Variants in FGGY observed in about 807,000 individuals in gnomAD.
FGGY encodes FGGY carbohydrate kinase domain-containing protein.
A neutral mutation model predicts 71.3 loss-of-function variants in FGGY; 72 were observed. The ratio of observed to expected loss-of-function variants is 1.01; its 90% CI spans 0.84 to 1.23. FGGY has a LOEUF of 1.23. Ranked by LOEUF, FGGY falls within the 50% of genes most tolerant of loss-of-function variation. The pLI, the probability that FGGY is intolerant of heterozygous loss-of-function variation, is 0.00. For missense variants in FGGY, 668 were observed against 682.3 expected (o/e 0.98, Z 0.23); for synonymous variants, 251 against 250.3 (o/e 1.00, Z -0.02).
chr1:59,515,799 AGTCAAATTAAACATCCTATTCTT>A (rs2094631767), intron 7 of FGGY, among the ~76,000 whole-genome samples: 1 of 152,202 alleles, frequency 6.6e-6, no homozygotes, highest in South Asian at 2.1e-4. Context: ...TGGAACTGTA[AGTCAAATTAAACATCCTATTCTT>A]CCCAGTCTCA....
intron 1 of FGGY, among the ~76,000 whole-genome samples, chr1:59,307,711 G>C (rs2153088135): frequency 6.6e-6 from 1 of 152,298 alleles, no homozygotes; most frequent in East Asian, 1.9e-4. Flanking sequence ...TTCATGTGAA[G>C]CTACATATTG....
chr1:59,416,569 C>A (rs573905904), intron 5 of FGGY, among the ~76,000 whole-genome samples: 1 of 152,252 alleles, frequency 6.6e-6, no homozygotes, highest in South Asian at 2.1e-4. Flanking sequence ...ACTCTCACAC[C>A]CCTAAATTAC....
intron 6 of FGGY, among the ~76,000 whole-genome samples, chr1:59,460,816 T>G (rs558293952): frequency 6.6e-6 from 1 of 152,260 alleles, no homozygotes; most frequent in African/African-American, 2.4e-5. Context: ...AAATTCCACT[T>G]TATGAAAATT....
chr1:59,529,745 T>C (rs2095089631), intron 7 of FGGY, among the ~76,000 whole-genome samples: 1 of 152,200 alleles, frequency 6.6e-6, no homozygotes, highest in African/African-American at 2.4e-5. Context: ...CAGAGATTCA[T>C]TTTAAGCATG....
intron 9 of FGGY, among the ~76,000 whole-genome samples, chr1:59,616,457 A>G (rs995623473): frequency 6.6e-6 from 1 of 152,096 alleles, no homozygotes; most frequent in African/African-American, 2.4e-5. Flanking sequence ...CAGGAATGGG[A>G]ACATCATACA....
intron 15 of FGGY, among the ~76,000 whole-genome samples, chr1:59,759,436 C>T (rs2098323668): frequency 6.6e-6 from 1 of 152,194 alleles, no homozygotes; most frequent in Non-Finnish European, 1.5e-5. Flanking sequence ...TCCCTGGAGG[C>T]AGCTGGAGCA....
At chr1:59,376,751 A>G (rs2058703755) in intron 4 of FGGY, among the ~76,000 whole-genome samples, 1 of 152,202 alleles carries the variant, frequency 6.6e-6, no homozygotes. Context: ...TTAGGTTCCC[A>G]GAGATACTCC....
At chr1:59,304,889 C>T (rs919595517) in intron 1 of FGGY, among the ~76,000 whole-genome samples, 3 of 151,930 alleles carry the variant, frequency 2.0e-5, no homozygotes, top group Non-Finnish European at 2.9e-5. Flanking sequence ...AGAAATGCGG[C>T]TGCTTTTTGT....
intron 4 of FGGY, among the ~76,000 whole-genome samples, chr1:59,377,862 G>GC (rs1357895590): frequency 6.6e-6 from 1 of 152,156 alleles, no homozygotes; most frequent in African/African-American, 2.4e-5. Context: ...GTAAGAAAAA[G>GC]CCTGGCCATT....
chr1:59,453,545 G>T (rs1231541208), intron 5 of FGGY, among the ~76,000 whole-genome samples: 5 of 152,106 alleles, frequency 3.3e-5, no homozygotes, highest in Admixed American at 6.5e-5. Context: ...TCACTCACTG[G>T]AGTCTTGGCT....
chr1:59,602,349 A>G (rs1372319420), intron 8 of FGGY, among the ~76,000 whole-genome samples: 1 of 152,218 alleles, frequency 6.6e-6, no homozygotes, highest in Non-Finnish European at 1.5e-5. Flanking sequence ...ATATATGTGA[A>G]GAACCTAGAA....
chr1:59,362,527 A>G (rs1323857771), intron 4 of FGGY, among the ~76,000 whole-genome samples: 1 of 152,174 alleles, frequency 6.6e-6, no homozygotes, highest in African/African-American at 2.4e-5. Context: ...TGAGCTTCTC[A>G]TAGTTCCTTC....
At chr1:59,717,245 G>T (rs1478472975) in intron 14 of FGGY, among the ~76,000 whole-genome samples, 5 of 152,030 alleles carry the variant, frequency 3.3e-5, no homozygotes, top group African/African-American at 7.2e-5. Flanking sequence ...TTGTCGTTGA[G>T]ATTTTATAGG....
At chr1:59,456,637 G>A (rs533510167) in intron 5 of FGGY, among the ~76,000 whole-genome samples, 6 of 152,102 alleles carry the variant, frequency 3.9e-5, no homozygotes, top group African/African-American at 4.8e-5. Context: ...TAGTAGAGAC[G>A]GGGTTTGACC....
intron 5 of FGGY, among the ~76,000 whole-genome samples, chr1:59,446,865 C>T (rs79231824): frequency 3.9e-5 from 6 of 152,228 alleles, no homozygotes; most frequent in Admixed American, 6.5e-5. Flanking sequence ...CAGTGAGCTG[C>T]GTATAAATAA....
At chr1:59,586,518 G>A (rs1475657407) in intron 8 of FGGY, among the ~76,000 whole-genome samples, 1 of 152,098 alleles carries the variant, frequency 6.6e-6, no homozygotes, top group Non-Finnish European at 1.5e-5. Context: ...GGGGTCGGGG[G>A]AGTGGGGAGG....
At chr1:59,509,732 A>T (rs773582790) in intron 6 of FGGY, among the ~76,000 whole-genome samples, 2 of 151,734 alleles carry the variant, frequency 1.3e-5, no homozygotes, top group Non-Finnish European at 2.9e-5. Flanking sequence ...CATGCCCAGG[A>T]CTCTCTCTGC....
chr1:59,644,039 TG>T lies in FGGY; in HGVS notation c.1221+5666del, dbSNP rs61049751. Among the ~76,000 whole-genome samples the T allele has an allele frequency of 3.5e-3, 539 of 152,316 alleles. 4 individuals are homozygous for T. Among genetic ancestry groups the T allele is most frequent in the African/African-American group, 0.012 (515 of 41,588 alleles). On this transcript the variant is annotated intron_variant, in intron 11 of 15. Transcript: ENST00000303721. ...GAACCATGTTCCTTAAGCTAGTCCT[TG>T]GCTCTTCTGTTCTTCTGACCACCAA...
intron 8 of FGGY, among the ~76,000 whole-genome samples, chr1:59,606,079 T>C (rs991621826): frequency 1.3e-5 from 2 of 152,164 alleles, no homozygotes; most frequent in African/African-American, 4.8e-5. Flanking sequence ...CCACCCGTTC[T>C]AGTTCATCTC....
Sources: allele counts gnomAD v4.1 joint callset (sites outside exome capture counted in the v4.1 genomes callset), GRCh38; gene constraint gnomAD v4.1.1; transcripts MANE v1.5; gene names NCBI Gene and HGNC (gene_info 2026-07-23, HGNC 2026-07-21).